CTR9: variants seen among roughly 807,000 people sequenced by gnomAD.
The protein encoded by CTR9 is RNA polymerase-associated protein CTR9 homolog.
A neutral mutation model predicts 152.1 loss-of-function variants in CTR9; 41 were observed. The ratio of observed to expected loss-of-function variants is 0.27; its 90% confidence interval spans 0.21 to 0.35. The LOEUF is 0.35. Among genes scored for constraint, CTR9 ranks in the 10% least tolerant of loss-of-function variants. The pLI, the probability that CTR9 is intolerant of heterozygous loss-of-function variation, is 1.00. For missense variants in CTR9, 917 were observed against 1,424.4 expected (o/e 0.64, Z 5.73); for synonymous variants, 476 against 496.2 (o/e 0.96, Z 0.54).
At chr11:10,764,822 G>T (rs530248948) in intron 12 of CTR9, 91 bp downstream of exon 12, 1 of 1,220,534 alleles carries the variant, frequency 8.2e-7, no homozygotes, top group African/African-American at 1.5e-5. Context: ...AGAATTGATA[G>T]TAAAAATTGT....
In CTR9 at chr11:10,767,928, T is replaced by C. The variant is rs1189009193; in HGVS notation, c.1809T>C (p.Ser603=). 4.3e-6 allele frequency: 7 copies of C among 1,614,038 alleles called. No individual in the cohort carries two copies. The highest frequency in any genetic ancestry group is 5.9e-6 in the Non-Finnish European group (7 of 1,180,018). Residue 603 remains serine, a synonymous_variant, in exon 14 of 25, where the codon TCT becomes TCC. Transcript: ENST00000361367. The surrounding 1 kb of genome is among the most constrained non-coding windows in gnomAD (Gnocchi z 4.0). The part of the protein sequence containing the change: ...KQPSTQSDTY[S]MLALGNVWLQ... ...CATCCACACAGAGTGATACCTATTC[T>C]ATGCTAGCCCTTGGCAACGTGTGGC...
At chr11:10,772,413 C>T in intron 19 of CTR9, 107 bp from the exon 20 acceptor site, 1 of 935,450 alleles carries the variant, frequency 1.1e-6, no homozygotes, top group Non-Finnish European at 1.5e-6. Context: ...CATAGATCAG[C>T]TAATGGTCCT....
chr11:10,777,439 TGA>T (rs1863259231), intron 24 of CTR9, among the ~76,000 whole-genome samples: 1 of 152,184 alleles, frequency 6.6e-6, no homozygotes, highest in South Asian at 2.1e-4. Context: ...CCTTTTCCTC[TGA>T]AGGCACCGGC....
chr11:10,762,123 T>C, intron 7 of CTR9, 69 bp downstream of exon 7: 1 of 980,968 alleles, frequency 1.0e-6, no homozygotes, highest in Non-Finnish European at 1.5e-6. Context: ...TTATTTCTTT[T>C]TTAAACTTGG....
At chr11:10,756,631 C>T in intron 4 of CTR9, 118 bp from the exon 5 acceptor site, 2 of 623,800 alleles carry the variant, frequency 3.2e-6, no homozygotes, top group Non-Finnish European at 5.3e-6. Flanking sequence ...AAATTTTGTT[C>T]TGTGTTTTCA....
chr11:10,764,747 T>C lies in CTR9; in HGVS notation c.1597+16T>C, dbSNP rs1863033059. On this transcript the variant is annotated intron_variant, in intron 12 of 24. Transcript: ENST00000361367. ...TATGTTGACTGTAAGGATTTTAAAC[T>C]TCTTTATGTAATGAAATCCGTTCAT... 1 of 1,568,862 alleles carries C rather than the reference T, an allele frequency of 6.4e-7. No individual in the cohort carries two copies. Among genetic ancestry groups the C allele is most frequent in the Non-Finnish European group, 8.7e-7 (1 of 1,148,498 alleles).
At position 10,754,724 on chromosome 11, in the gene CTR9, T is replaced by A. The variant is rs551411341; in HGVS notation, c.145-234T>A. ...TCTGATTTCTTTCATTCAGCATAAT[T>A]ATTTTGAGATTTATCCATGTTGTAG... On this transcript the variant is annotated intron_variant, in intron 2 of 24. Transcript: ENST00000361367. 3.3e-5 allele frequency among the ~76,000 whole-genome samples: 5 copies of A among 152,330 alleles called. No homozygotes were observed. In the South Asian group the frequency reaches 1.0e-3, roughly 32 times the overall value.
intron 2 of CTR9, among the ~76,000 whole-genome samples, chr11:10,753,322 C>T (rs1322656908): frequency 1.3e-5 from 2 of 152,166 alleles, no homozygotes; most frequent in Non-Finnish European, 2.9e-5. Context: ...AATTCTATAT[C>T]CTCTACTTGC....
intron 13 of CTR9, among the ~76,000 whole-genome samples, 192 bp downstream of exon 13, chr11:10,766,682 TTTATGTAAA>T (rs1190096685): frequency 6.6e-6 from 1 of 152,218 alleles, no homozygotes; most frequent in Non-Finnish European, 1.5e-5. Context: ...ACCATGTTTT[TTTATGTAAA>T]TCTTTCCTAT....
chr11:10,773,305 C>T lies in CTR9; in HGVS notation c.2727+32C>T, dbSNP rs1209394688. ...TATAATTCCTGCTAGCACAAGTGACCTCATTCTCTGTCTTTTGGCTTTGAG... is the reference window on the plus strand; with the variant it reads ...TATAATTCCTGCTAGCACAAGTGACTTCATTCTCTGTCTTTTGGCTTTGAG... On this transcript the variant is annotated intron_variant, in intron 21 of 24. Coordinates refer to ENST00000361367, the MANE Select transcript of CTR9 (RefSeq NM_014633.5). 6 of 1,598,200 alleles carry T rather than the reference C, an allele frequency of 3.8e-6. No homozygotes were observed. The Admixed American group carries it at 5.5e-5, about 15-fold the overall frequency.
chr11:10,766,069 A>C (rs1314215029), intron 12 of CTR9, among the ~76,000 whole-genome samples: 1 of 152,218 alleles, frequency 6.6e-6, no homozygotes, highest in Non-Finnish European at 1.5e-5. Context: ...AAAAAAGGTA[A>C]CTGACAATGG....
At chr11:10,760,467 AGTT>A (rs1862959023) in intron 6 of CTR9, 146 bp downstream of exon 6, 1 of 697,984 alleles carries the variant, frequency 1.4e-6, no homozygotes, top group Non-Finnish European at 2.3e-6. Context: ...TATAACACCT[AGTT>A]ATTGGGGCAC....
At chr11:10,762,571 G>A (rs1318168557) in intron 7 of CTR9, among the ~76,000 whole-genome samples, 2 of 152,204 alleles carry the variant, frequency 1.3e-5, no homozygotes, top group South Asian at 2.1e-4. Context: ...AGATAGTGGA[G>A]CATTTTTGTA....
intron 6 of CTR9, 124 bp downstream of exon 6, chr11:10,760,445 T>C: frequency 1.1e-6 from 1 of 896,762 alleles, no homozygotes; most frequent in Non-Finnish European, 1.7e-6. Context: ...AGGGTACCTG[T>C]ACTTTGTAAT....
chr11:10,760,444 G>A (rs891477810), intron 6 of CTR9, 123 bp downstream of exon 6: 2 of 934,904 alleles, frequency 2.1e-6, no homozygotes, highest in East Asian at 5.2e-5. Flanking sequence ...AAGGGTACCT[G>A]TACTTTGTAA....
intron 12 of CTR9, among the ~76,000 whole-genome samples, chr11:10,766,120 T>C (rs972242312): frequency 2.0e-5 from 3 of 152,192 alleles, no homozygotes; most frequent in Non-Finnish European, 4.4e-5. Flanking sequence ...GGTTCCAAGC[T>C]TTTAAAATAA....
chr11:10,755,643 A>G (rs1188537438), intron 3 of CTR9, 35 bp from the exon 4 acceptor site: 1 of 1,346,290 alleles, frequency 7.4e-7, no homozygotes, highest in South Asian at 1.2e-5. Context: ...CATGGTATAT[A>G]GGGGTAAAAT....
intron 10 of CTR9, 44 bp from the exon 11 acceptor site, chr11:10,764,264 C>G: frequency 6.2e-7 from 1 of 1,613,600 alleles, no homozygotes; most frequent in Non-Finnish European, 8.5e-7. Context: ...GGTGTAGTGT[C>G]TCTCTTCCAC....
rs147167045 is a variant in CTR9, at chr11:10,764,709, C to T, written c.1575C>T (p.Arg525=). Residue 525 remains arginine (R), a synonymous_variant, in exon 12 of 25, where the codon CGC becomes CGT. Coordinates refer to ENST00000361367, the MANE Select transcript of CTR9 (RefSeq NM_014633.5). ...EAEKLYKNIL[R]EHPNYVDCYL... ...AAAAACTGTATAAAAACATCTTACG[C>T]GAACATCCTAATTATGTTGACTGTA... 1.5e-4 allele frequency: 240 copies of T among 1,604,356 alleles called. No individual in the cohort carries two copies. The highest frequency in any genetic ancestry group is 3.3e-4 in the Middle Eastern group (2 of 6,036).
Sources: allele counts gnomAD v4.1 joint callset (sites outside exome capture counted in the v4.1 genomes callset), GRCh38; gene constraint gnomAD v4.1.1; non-coding constraint Gnocchi (gnomAD v3.1); transcripts MANE v1.5; gene names NCBI Gene and HGNC (gene_info 2026-07-23, HGNC 2026-07-21).